Variants in SATB2 observed in about 807,000 individuals in gnomAD.
SATB2 encodes the protein DNA-binding protein SATB2.
In SATB2, 1 loss-of-function variant was observed where a neutral mutation model predicts 73.4. The ratio of observed to expected loss-of-function variants is 0.01; its 90% CI spans 0.00 to 0.06. The LOEUF (loss-of-function observed/expected upper bound fraction) is 0.06. SATB2 is among the 10% of genes least tolerant of loss of function. SATB2 has a pLI of 1.00. For synonymous variants in SATB2, 397 were observed against 367.0 expected (o/e 1.08, Z -0.93); for missense variants, 459 against 945.8 (o/e 0.49, Z 6.75).
At chr2:199,466,640 C>T (rs1028609291), upstream of SATB2, among the ~76,000 whole-genome samples, 3 of 152,326 alleles carry the variant, frequency 2.0e-5, no homozygotes, top group East Asian at 1.9e-4. Flanking sequence ...GTGGTCTCTC[C>T]GGCTCCCTGC....
chr2:199,308,766 C>A lies in SATB2; in HGVS notation c.1734G>T (p.Pro578=). 6.2e-7 allele frequency: 1 copy of A among 1,613,950 alleles called. No homozygotes were observed. The change falls in exon 10 of 11, where the codon CCG becomes CCT. Residue 578 remains proline (P), a synonymous_variant. Transcript: ENST00000417098. The surrounding 1 kb of genome is among the most constrained non-coding windows in gnomAD (Gnocchi z 4.6). ...MQHVVQLPPE[P]VQVLHRQQSQ... Reference sequence around the variant, plus strand: ...GGCGGTCGGGGACACTGACCTGCACCGGCTCAGGGGGAAGCTGGACCACGT... The same window carrying A: ...GGCGGTCGGGGACACTGACCTGCACAGGCTCAGGGGGAAGCTGGACCACGT...
intron 6 of SATB2, among the ~76,000 whole-genome samples, chr2:199,356,957 T>C (rs536173816): frequency 3.1e-4 from 47 of 152,200 alleles, no homozygotes; most frequent in Non-Finnish European, 5.6e-4. Context: ...GCCTACTTTA[T>C]TAAAGAAGCT....
At chr2:199,379,482 C>T (rs1022092970) in intron 5 of SATB2, among the ~76,000 whole-genome samples, 4 of 152,082 alleles carry the variant, frequency 2.6e-5, no homozygotes, top group Admixed American at 6.6e-5. Flanking sequence ...CAATCTGGTG[C>T]ATCCACTTTG....
At chr2:199,428,260 T>C (rs979848120) in intron 3 of SATB2, among the ~76,000 whole-genome samples, 2 of 152,228 alleles carry the variant, frequency 1.3e-5, no homozygotes, top group East Asian at 1.9e-4. Context: ...TCCATGAGGT[T>C]TGGCTTTTTG....
intron 3 of SATB2, among the ~76,000 whole-genome samples, chr2:199,387,415 A>G (rs773305428): frequency 3.9e-5 from 6 of 152,230 alleles, no homozygotes; most frequent in Non-Finnish European, 8.8e-5. Context: ...AGGTGACATC[A>G]CAGTCCCAGA....
upstream of SATB2, among the ~76,000 whole-genome samples, chr2:199,462,060 C>T (rs1692487917): frequency 6.6e-6 from 1 of 152,214 alleles, no homozygotes; most frequent in Non-Finnish European, 1.5e-5. The surrounding 1 kb of genome is among the most constrained non-coding windows in gnomAD (Gnocchi z 5.9). Flanking sequence ...GCATCCATCC[C>T]CAAGGTCCAT....
At chr2:199,347,829 C>G (rs1285960841) in intron 7 of SATB2, 2 of 152,166 alleles carry the variant, frequency 1.3e-5, no homozygotes, top group African/African-American at 4.8e-5. Context: ...CTGCTTTGTT[C>G]TTACTCATAT....
intron 6 of SATB2, among the ~76,000 whole-genome samples, chr2:199,365,810 C>T (rs1043786126): frequency 2.0e-5 from 3 of 151,682 alleles, no homozygotes; most frequent in African/African-American, 7.3e-5. Flanking sequence ...TTCCAGTAGA[C>T]TTTTATTTTT....
rs772888602 is a variant in SATB2, at chr2:199,361,463, T to C, written c.700+7142A>G. On this transcript the variant is annotated intron_variant, in intron 6 of 10. Transcript: ENST00000417098. ...ATTCCATTTCCGTCAATTACTGCAA[T>C]AGGTTCGACTTTGCCTACTTCCACC... Among the ~76,000 whole-genome samples the C allele has an allele frequency of 7.9e-4, 120 of 151,862 alleles. 1 individual carries two copies. Among genetic ancestry groups the C allele is most frequent in the Admixed American group, 1.5e-3 (23 of 15,236 alleles).
chr2:199,305,082 G>T (rs1047471614), intron 10 of SATB2, among the ~76,000 whole-genome samples: 1 of 152,170 alleles, frequency 6.6e-6, no homozygotes, highest in Non-Finnish European at 1.5e-5. Flanking sequence ...TTGGAGCCAT[G>T]GGGCAAAGGC....
In SATB2 at chr2:199,455,356, T is replaced by A. The variant is rs1223367564; in HGVS notation, c.169+513A>T. ...TAAGGGCCTGATGGATTCATGGTGA[T>A]TCTTTATTTCCCACATTTCACGTGG... On this transcript the variant is annotated intron_variant, in intron 2 of 10. Transcript: ENST00000417098. The surrounding 1 kb of genome is among the most constrained non-coding windows in gnomAD (Gnocchi z 4.1). 1.3e-5 allele frequency among the ~76,000 whole-genome samples: 2 copies of A among 152,214 alleles called. No individual in the cohort carries two copies. The highest frequency in any genetic ancestry group is 2.4e-5 in the African/African-American group (1 of 41,452).
intron 7 of SATB2, among the ~76,000 whole-genome samples, chr2:199,341,896 G>A (rs937092661): frequency 6.6e-6 from 1 of 152,158 alleles, no homozygotes; most frequent in African/African-American, 2.4e-5. Context: ...AGTGTGAGAA[G>A]CAGGACAGGG....
intron 9 of SATB2, among the ~76,000 whole-genome samples, chr2:199,317,290 C>A (rs186469800): frequency 1.3e-5 from 2 of 152,072 alleles, no homozygotes; most frequent in South Asian, 2.1e-4. Flanking sequence ...ATAGTCTCAA[C>A]AGCAAAGTGG....
At chr2:199,312,606 A>T (rs1687625849) in intron 9 of SATB2, among the ~76,000 whole-genome samples, 1 of 152,196 alleles carries the variant, frequency 6.6e-6, no homozygotes, top group South Asian at 2.1e-4. Context: ...CGGGTTAACA[A>T]AAGATGGTCT....
chr2:199,350,068 C>T (rs1008793197), intron 6 of SATB2, among the ~76,000 whole-genome samples: 6 of 152,080 alleles, frequency 3.9e-5, no homozygotes, highest in African/African-American at 1.4e-4. Flanking sequence ...GGGGCTGAAG[C>T]AATCCCAACA....
At chr2:199,371,582 T>A (rs1689447181) in intron 5 of SATB2, among the ~76,000 whole-genome samples, 1 of 152,222 alleles carries the variant, frequency 6.6e-6, no homozygotes, top group African/African-American at 2.4e-5. Flanking sequence ...TAATAATTAA[T>A]GTCTTTCCCA....
intron 2 of SATB2, among the ~76,000 whole-genome samples, chr2:199,446,998 C>T (rs774024269): frequency 2.0e-4 from 30 of 152,102 alleles, no homozygotes; most frequent in East Asian, 3.9e-4. Flanking sequence ...CTCTGATGGC[C>T]GACATTATCT....
chr2:199,458,470 G>T (rs1479914836), upstream of SATB2: 1 of 393,194 alleles, frequency 2.5e-6, no homozygotes, highest in Admixed American at 2.9e-5. Flanking sequence ...CGAGGCGGTG[G>T]CCGCGGCCAG....
chr2:199,314,797 A>T (rs1687686052), intron 9 of SATB2, among the ~76,000 whole-genome samples: 1 of 152,024 alleles, frequency 6.6e-6, no homozygotes, highest in Non-Finnish European at 1.5e-5. Context: ...CAAAAAAACA[A>T]TTTTTATCTT....
Sources: allele counts gnomAD v4.1 joint callset (sites outside exome capture counted in the v4.1 genomes callset), GRCh38; gene constraint gnomAD v4.1.1; non-coding constraint Gnocchi (gnomAD v3.1); transcripts MANE v1.5; gene names NCBI Gene and HGNC (gene_info 2026-07-23, HGNC 2026-07-21).